ZFPM2: variants seen among roughly 807,000 people sequenced by gnomAD.
The protein encoded by ZFPM2 is zinc finger protein ZFPM2.
ZFPM2 carries 20 observed loss-of-function variants against 98.6 expected under a neutral mutation model. That is an observed-to-expected ratio of 0.20 (90% CI 0.14 to 0.29). The LOEUF (loss-of-function observed/expected upper bound fraction) is 0.29, where lower values mean the gene tolerates loss of function less well. Among genes scored for constraint, ZFPM2 ranks in the 10% least tolerant of loss-of-function variants. The pLI, the probability that ZFPM2 is intolerant of heterozygous loss-of-function variation, is 1.00. For missense variants in ZFPM2, 1,310 were observed against 1,388.6 expected (o/e 0.94, Z 0.90); for synonymous variants, 518 against 502.7 (o/e 1.03, Z -0.41).
chr8:105,655,115 A>G (rs1442332), intron 5 of ZFPM2, among the ~76,000 whole-genome samples: 129,626 of 152,060 alleles, frequency 0.85, 55,612 homozygotes, highest in African/African-American at 0.96. Flanking sequence ...TTGTTGAGTT[A>G]GTTTATTACA....
chr8:105,479,553 G>A (rs568970258), intron 3 of ZFPM2, among the ~76,000 whole-genome samples: 4 of 152,294 alleles, frequency 2.6e-5, no homozygotes, highest in African/African-American at 9.6e-5. Flanking sequence ...TTTAGTTAAA[G>A]TCTGTCTAAC....
At chr8:105,615,278 T>G (rs17290592) in intron 4 of ZFPM2, among the ~76,000 whole-genome samples, 15,265 of 152,142 alleles carry the variant, frequency 0.1, 1,016 homozygotes, top group Middle Eastern at 0.22. Flanking sequence ...TTGCCTTATC[T>G]GGGGTGCACA....
chr8:105,421,953 A>C (rs1811801488), intron 2 of ZFPM2, among the ~76,000 whole-genome samples: 1 of 148,226 alleles, frequency 6.7e-6, no homozygotes, highest in Non-Finnish European at 1.5e-5. Flanking sequence ...AGGCTGAGAC[A>C]GGAGAATTGC....
intron 1 of ZFPM2, among the ~76,000 whole-genome samples, chr8:105,344,483 G>A (rs1486756683): frequency 6.6e-6 from 1 of 152,018 alleles, no homozygotes; most frequent in Non-Finnish European, 1.5e-5. Flanking sequence ...AGGTTCTTGG[G>A]AATATAATAG....
At chr8:105,565,544 A>G (rs1307409717) in intron 4 of ZFPM2, among the ~76,000 whole-genome samples, 1 of 152,178 alleles carries the variant, frequency 6.6e-6, no homozygotes, top group Non-Finnish European at 1.5e-5. Context: ...GGGAAGTTAA[A>G]TAACTAGCCT....
chr8:105,672,088 T>C (rs1186782691), intron 5 of ZFPM2, among the ~76,000 whole-genome samples: 2 of 152,170 alleles, frequency 1.3e-5, no homozygotes, highest in Non-Finnish European at 2.9e-5. Flanking sequence ...CATTCTAGAC[T>C]TTGTAACAAT....
At chr8:105,793,277 C>T (rs1334840900) in intron 6 of ZFPM2, among the ~76,000 whole-genome samples, 1 of 151,702 alleles carries the variant, frequency 6.6e-6, no homozygotes, top group African/African-American at 2.4e-5. Context: ...TTAGGGCAGG[C>T]CTGGTGGTGA....
At chr8:105,495,085 C>G (rs1199155702) in intron 3 of ZFPM2, among the ~76,000 whole-genome samples, 1 of 152,194 alleles carries the variant, frequency 6.6e-6, no homozygotes, top group Non-Finnish European at 1.5e-5. Flanking sequence ...ATTTGGCCCA[C>G]AGGCTGTAGT....
At chr8:105,419,892 A>G (rs527659688) in intron 2 of ZFPM2, among the ~76,000 whole-genome samples, 2 of 147,224 alleles carry the variant, frequency 1.4e-5, no homozygotes, top group South Asian at 4.1e-4. Flanking sequence ...ATTTCCAGCC[A>G]TGACTTGGAG....
chr8:105,552,766 T>A (rs1814891223), intron 3 of ZFPM2, among the ~76,000 whole-genome samples: 2 of 151,920 alleles, frequency 1.3e-5, no homozygotes, highest in South Asian at 4.2e-4. Context: ...TGCAGTGATG[T>A]AAGTGAAGGT....
At chr8:105,512,673 A>C (rs1813840723) in intron 3 of ZFPM2, among the ~76,000 whole-genome samples, 1 of 152,178 alleles carries the variant, frequency 6.6e-6, no homozygotes, top group Admixed American at 6.5e-5. Flanking sequence ...GCCCTTAAAA[A>C]TTTCAATGAT....
At chr8:105,668,976 G>A (rs1200178907) in intron 5 of ZFPM2, among the ~76,000 whole-genome samples, 1 of 152,122 alleles carries the variant, frequency 6.6e-6, no homozygotes, top group African/African-American at 2.4e-5. Flanking sequence ...CCCTTACAGT[G>A]TGAAATATCA....
At chr8:105,751,495 T>A (rs1812474890) in intron 5 of ZFPM2, among the ~76,000 whole-genome samples, 1 of 152,088 alleles carries the variant, frequency 6.6e-6, no homozygotes, top group South Asian at 2.1e-4. Flanking sequence ...TCTGACCTCA[T>A]GACTCACAAT....
chr8:105,507,095 G>A (rs1194018946), intron 3 of ZFPM2, among the ~76,000 whole-genome samples: 1 of 151,976 alleles, frequency 6.6e-6, no homozygotes, highest in Non-Finnish European at 1.5e-5. Context: ...TCAGACCAAG[G>A]CCAGGTTTAA....
chr8:105,335,731 T>G (rs2129641682), intron 1 of ZFPM2, among the ~76,000 whole-genome samples: 1 of 151,862 alleles, frequency 6.6e-6, no homozygotes, highest in East Asian at 1.9e-4. Context: ...TAGAATAAAT[T>G]ACTGAAGATG....
At chr8:105,362,858 C>T (rs1212702513) in intron 1 of ZFPM2, among the ~76,000 whole-genome samples, 1 of 152,132 alleles carries the variant, frequency 6.6e-6, no homozygotes, top group East Asian at 1.9e-4. Context: ...AAGAGTCACA[C>T]ATAGATCAGA....
chr8:105,632,678 T>G (rs1816775373), intron 4 of ZFPM2, among the ~76,000 whole-genome samples: 2 of 152,204 alleles, frequency 1.3e-5, no homozygotes, highest in Non-Finnish European at 2.9e-5. Context: ...TGATAACATT[T>G]TTGTCTATAT....
At chr8:105,435,081 C>G (rs1271610840) in intron 2 of ZFPM2, among the ~76,000 whole-genome samples, 1 of 152,184 alleles carries the variant, frequency 6.6e-6, no homozygotes, top group Non-Finnish European at 1.5e-5. Flanking sequence ...AGACTATATT[C>G]AAGTGCATTT....
At chr8:105,663,439 G>C (rs1179736478) in intron 5 of ZFPM2, among the ~76,000 whole-genome samples, 1 of 152,136 alleles carries the variant, frequency 6.6e-6, no homozygotes, top group African/African-American at 2.4e-5. Context: ...TGTTTATCAT[G>C]CACCTACTAT....
Sources: gnomAD v4.1 joint callset for allele counts (sites outside exome capture counted in the v4.1 genomes callset) on GRCh38, gnomAD v4.1.1 for gene constraint, MANE v1.5 for transcripts, NCBI Gene and HGNC (gene_info 2026-07-23, HGNC 2026-07-21) for gene names.